Variants in GRAMD2B observed in about 807,000 individuals in gnomAD.
The protein encoded by GRAMD2B is GRAM domain-containing protein 2B.
In GRAMD2B, 41 loss-of-function variants were observed where a neutral mutation model predicts 59.2. The ratio of observed to expected loss-of-function variants is 0.69; its 90% confidence interval spans 0.54 to 0.90. GRAMD2B has a LOEUF of 0.90. Ranked by LOEUF, GRAMD2B falls within the 40% of genes least tolerant of loss-of-function variation. The pLI is 0.00. For synonymous variants in GRAMD2B, 161 were observed against 182.7 expected (o/e 0.88, Z 0.96); for missense variants, 424 against 500.5 (o/e 0.85, Z 1.46).
intron 5 of GRAMD2B, among the ~76,000 whole-genome samples, chr5:126,474,718 T>C (rs902424757): frequency 6.6e-6 from 1 of 152,208 alleles, no homozygotes; most frequent in African/African-American, 2.4e-5. Flanking sequence ...AGGCAGTCAG[T>C]GCACTTTCAA....
chr5:126,481,202 AAAAAGAAAGAAAGAAAG>A lies in GRAMD2B; in HGVS notation c.735+499_735+515del, dbSNP rs1451964762. Among the ~76,000 whole-genome samples, 178 of 74,862 alleles carry A rather than the reference AAAAAGAAAGAAAGAAAG, an allele frequency of 2.4e-3. 6 individuals carry two copies. The highest frequency in any genetic ancestry group is 4.6e-3 in the African/African-American group (101 of 22,086). 49.1% of individuals were successfully genotyped at this position (74,862 alleles called of 152,430 possible). A position where few individuals can be genotyped will look rare whatever the true frequency, so the allele number is the denominator to read the frequency against. On this transcript the variant is annotated intron_variant, in intron 8 of 13. Transcript: ENST00000285689. ...CTCAGAATTAACTGTAAAAAAAAAA[AAAAAGAAAGAAAGAAAG>A]AAAGAAAGAAAGAAAGAAAGAAAGA...
chr5:126,469,627 T>C (rs1769162081), intron 2 of GRAMD2B, 50 bp from the exon 3 acceptor site: 3 of 1,303,786 alleles, frequency 2.3e-6, no homozygotes, highest in East Asian at 2.3e-5. Flanking sequence ...AGAGCAAAAC[T>C]GTCTCAAAAA....
Position 126,494,040 on chromosome 5 carries a change from T to G in GRAMD2B, c.*1084T>G, listed in dbSNP as rs1774348991. The G allele has an allele frequency of 6.5e-6, 1 of 152,688 alleles. No homozygotes were observed. Among genetic ancestry groups the G allele is most frequent in the Non-Finnish European group, 1.5e-5 (1 of 68,048 alleles). The allele number at this position is 152,688 out of a possible 1,614,324, so 9.5% of individuals were successfully genotyped here. Reference sequence around the variant, plus strand: ...ATCATTTCTATGAAATGTATTTTATTTAATCAGATAAGCTAATAAGCGAAT... The same window carrying G: ...ATCATTTCTATGAAATGTATTTTATGTAATCAGATAAGCTAATAAGCGAAT... On this transcript the variant is annotated 3_prime_UTR_variant, in exon 14 of 14. Coordinates refer to ENST00000285689, the MANE Select transcript of GRAMD2B (RefSeq NM_023927.4).
intron 8 of GRAMD2B, among the ~76,000 whole-genome samples, chr5:126,482,995 G>C (rs980875752): frequency 2.0e-5 from 3 of 152,068 alleles, no homozygotes; most frequent in African/African-American, 7.2e-5. Context: ...GGGTCTAATT[G>C]GCTAAAGCCA....
chr5:126,443,597 T>C (rs1028733761), intron 1 of GRAMD2B, among the ~76,000 whole-genome samples: 3 of 152,186 alleles, frequency 2.0e-5, no homozygotes, highest in Non-Finnish European at 4.4e-5. Flanking sequence ...CACCTTCTGC[T>C]CTCCCCACAG....
At chr5:126,371,597 G>C (rs1169481199) in intron 1 of GRAMD2B, 3 of 1,266,358 alleles carry the variant, frequency 2.4e-6, no homozygotes, top group Non-Finnish European at 3.1e-6. Flanking sequence ...GGCCATCCAC[G>C]TCTGTCCCCC....
intron 1 of GRAMD2B, among the ~76,000 whole-genome samples, chr5:126,429,153 G>T (rs1225264593): frequency 6.6e-6 from 1 of 152,006 alleles, no homozygotes; most frequent in Non-Finnish European, 1.5e-5. Context: ...CCCATCAATG[G>T]TAGACTGCAT....
chr5:126,466,270 T>C (rs1246675620), intron 2 of GRAMD2B: 28 of 1,550,348 alleles, frequency 1.8e-5, no homozygotes, highest in African/African-American at 4.1e-5. Flanking sequence ...AACTCCGCTT[T>C]TTGCTTCCTT....
At chr5:126,420,091 AG>A, upstream of GRAMD2B, among the ~76,000 whole-genome samples, 1 of 151,848 alleles carries the variant, frequency 6.6e-6, no homozygotes, top group South Asian at 2.1e-4. Context: ...AGAAAAGAAA[AG>A]AAATCTTCTT....
At chr5:126,452,624 T>A (rs946573872) in intron 1 of GRAMD2B, among the ~76,000 whole-genome samples, 4 of 152,180 alleles carry the variant, frequency 2.6e-5, no homozygotes, top group African/African-American at 9.7e-5. Context: ...TTCCTTATCA[T>A]TCTACTCTCC....
chr5:126,432,130 T>C (rs1322660923), intron 1 of GRAMD2B, among the ~76,000 whole-genome samples: 1 of 152,050 alleles, frequency 6.6e-6, no homozygotes, highest in Non-Finnish European at 1.5e-5. Flanking sequence ...GGTTTCACCA[T>C]GTTACTCAGA....
chr5:126,463,891 C>CAT lies in GRAMD2B; in HGVS notation c.84-1535_84-1534insAT, dbSNP rs1561561835. Among the ~76,000 whole-genome samples, 8 of 152,180 alleles carry CAT rather than the reference C, an allele frequency of 5.3e-5. No individual in the cohort carries two copies. In the East Asian group the frequency reaches 1.5e-3, roughly 29 times the overall value. ...AAAATTAGCCAGGCATGGTGGCGTG[C>CAT]GCCTGTAATCCCAGCTACTTGGGAG... On this transcript the variant is annotated intron_variant, in intron 1 of 13. Transcript: ENST00000285689.
chr5:126,472,433 TAAC>T, intron 4 of GRAMD2B, 129 bp downstream of exon 4: 1 of 659,734 alleles, frequency 1.5e-6, no homozygotes, highest in South Asian at 1.8e-5. Flanking sequence ...AGTAATAACA[TAAC>T]AATAACACCA....
At chr5:126,366,187 A>G (rs879618326) in intron 1 of GRAMD2B, among the ~76,000 whole-genome samples, 6 of 152,210 alleles carry the variant, frequency 3.9e-5, no homozygotes, top group Non-Finnish European at 8.8e-5. Flanking sequence ...TAAAAACCGT[A>G]GAATAAAGAA....
chr5:126,471,232 C>T (rs1421374565), intron 3 of GRAMD2B, among the ~76,000 whole-genome samples: 5 of 152,162 alleles, frequency 3.3e-5, no homozygotes, highest in African/African-American at 9.7e-5. Context: ...AGAAGCATCC[C>T]GTGAGGCAGA....
At chr5:126,367,463 G>GGGA (rs1186373347), upstream of GRAMD2B, among the ~76,000 whole-genome samples, 1 of 124,414 alleles carries the variant, frequency 8.0e-6, no homozygotes, top group Admixed American at 7.8e-5. Context: ...AGGAGGAGGA[G>GGGA]GAGGAGGAAG....
intron 1 of GRAMD2B, among the ~76,000 whole-genome samples, chr5:126,361,537 TTGAG>T (rs1006476007): frequency 1.3e-5 from 2 of 149,476 alleles, no homozygotes; most frequent in East Asian, 3.9e-4. Context: ...GCTAAGAGGA[TTGAG>T]TAAGTTTCTA....
intron 1 of GRAMD2B, among the ~76,000 whole-genome samples, chr5:126,425,543 G>A (rs56278797): frequency 0.041 from 6,207 of 152,256 alleles, 419 homozygotes; most frequent in African/African-American, 0.14. Flanking sequence ...GAGGCTGGAG[G>A]ATCACTTGAG....
At chr5:126,471,925 T>C (rs993248020) in intron 3 of GRAMD2B, among the ~76,000 whole-genome samples, 15 of 152,208 alleles carry the variant, frequency 9.9e-5, no homozygotes, top group African/African-American at 3.6e-4. Context: ...TCTTCCCTAA[T>C]GAGATTCCTT....
Sources: allele counts gnomAD v4.1 joint callset (sites outside exome capture counted in the v4.1 genomes callset), GRCh38; gene constraint gnomAD v4.1.1; transcripts MANE v1.5; gene names NCBI Gene and HGNC (gene_info 2026-07-23, HGNC 2026-07-21).